The following QKI variants were observed in gnomAD, a reference collection of about 807,000 sequenced individuals.
QKI encodes the protein QKI, KH domain containing RNA binding, also known as KH domain-containing RNA-binding protein QKI.
In QKI, 10 loss-of-function variants were observed where a neutral mutation model predicts 39.0. The ratio of observed to expected loss-of-function variants is 0.26; its 90% CI spans 0.16 to 0.43. The LOEUF is 0.43. Ranked by LOEUF, QKI falls within the 20% of genes least tolerant of loss-of-function variation. QKI has a pLI of 1.00. For synonymous variants in QKI, 204 were observed against 155.4 expected, an observed-to-expected ratio of 1.31 and a Z score of -2.33; for missense variants, 218 against 428.0, an observed-to-expected ratio of 0.51 and a Z score of 4.33.
In QKI at chr6:163,415,998, C is replaced by T. The variant is rs1264133651; in HGVS notation, c.142+663C>T. On this transcript the variant is annotated intron_variant, in intron 1 of 7. Transcript: ENST00000361752. ...AAGTGACGGCGAAAAGCACTTTTTT[C>T]CCTTTTGTTTGGGGAAGCGAGAACT... is the stretch of plus-strand genomic sequence containing the variant. 5 of 445,952 alleles carry T rather than the reference C, an allele frequency of 1.1e-5. No individual in the cohort carries two copies. The East Asian group carries it at 2.0e-4, about 18-fold the overall frequency. The allele number at this position is 445,952 out of a possible 1,614,324, so 27.6% of individuals were successfully genotyped here. A position where few individuals can be genotyped will look rare whatever the true frequency, so the allele number is the denominator to read the frequency against.
At chr6:163,485,446 A>G (rs1777595885) in intron 3 of QKI, among the ~76,000 whole-genome samples, 3 of 152,180 alleles carry the variant, frequency 2.0e-5, no homozygotes, top group Non-Finnish European at 4.4e-5. Context: ...GTACTTGGCA[A>G]ATTGTTGTGG....
chr6:163,470,619 G>T (rs1792112086), intron 2 of QKI, among the ~76,000 whole-genome samples: 1 of 152,078 alleles, frequency 6.6e-6, no homozygotes, highest in South Asian at 2.1e-4. Context: ...ACATACTCTA[G>T]ATTTTAGAAT....
chr6:163,541,432 T>G (rs1462127910), intron 4 of QKI, among the ~76,000 whole-genome samples: 1 of 151,898 alleles, frequency 6.6e-6, no homozygotes, highest in African/African-American at 2.4e-5. Flanking sequence ...AGTAGTTGCG[T>G]GTATATTCTG....
intron 3 of QKI, among the ~76,000 whole-genome samples, chr6:163,519,298 T>C (rs16895075): frequency 0.039 from 5,912 of 152,168 alleles, 399 homozygotes; most frequent in African/African-American, 0.14. Flanking sequence ...TATAAACATA[T>C]GTCATTAATA....
chr6:163,570,544 C>A, intron 7 of QKI, 150 bp from the exon 8 acceptor site: 3 of 1,359,622 alleles, frequency 2.2e-6, no homozygotes, highest in Non-Finnish European at 2.8e-6. Flanking sequence ...TGGTGTCAAT[C>A]AGTTTGTCAG....
rs548708657 is a variant in QKI, at chr6:163,464,201, A to AATAC, written c.285+8784_285+8787dup. On this transcript the variant is annotated intron_variant, in intron 2 of 7. Coordinates refer to ENST00000361752, the MANE Select transcript of QKI (RefSeq NM_006775.3). ...TTTAGAAATCTATGATATCTCGCGCAATACATAGCCCATAGAAGAAACTAT... is the reference window on the plus strand; with the variant it reads ...TTTAGAAATCTATGATATCTCGCGCAATACATACATAGCCCATAGAAGAAACTAT... Among the ~76,000 whole-genome samples the AATAC allele has an allele frequency of 1.6e-3, 245 of 152,062 alleles. 1 individual carries two copies. Among genetic ancestry groups the AATAC allele is most frequent in the South Asian group, 1.0e-2 (48 of 4,810 alleles).
chr6:163,526,199 A>AT (rs991337120), intron 3 of QKI, among the ~76,000 whole-genome samples: 1 of 152,204 alleles, frequency 6.6e-6, no homozygotes, highest in Non-Finnish European at 1.5e-5. Flanking sequence ...GGTATATTTG[A>AT]TTGAAAGATG....
At position 163,574,624 on chromosome 6, in the gene QKI, A is replaced by G. The variant is rs923022888; in HGVS notation, c.*3914A>G. The G allele has an allele frequency of 6.6e-6, 1 of 152,218 alleles. No individual in the cohort carries two copies. The highest frequency in any genetic ancestry group is 1.5e-5 in the Non-Finnish European group (1 of 68,042). The allele number at this position is 152,218 out of a possible 1,614,324, so 9.4% of individuals were successfully genotyped here. ...GTGATTAATTTCTTGCATGCAAATC[A>G]ATTTAAGATTTCTTAAATATCTTCA... On this transcript the variant is annotated 3_prime_UTR_variant, in exon 8 of 8. Coordinates refer to ENST00000361752, the MANE Select transcript of QKI (RefSeq NM_006775.3).
At chr6:163,495,818 T>C (rs1319764747) in intron 3 of QKI, among the ~76,000 whole-genome samples, 1 of 152,190 alleles carries the variant, frequency 6.6e-6, no homozygotes, top group Non-Finnish European at 1.5e-5. Context: ...AGTGATGTTG[T>C]GTCCTTCTCA....
At chr6:163,480,330 G>A (rs1215688234) in intron 3 of QKI, among the ~76,000 whole-genome samples, 1 of 151,634 alleles carries the variant, frequency 6.6e-6, no homozygotes, top group Non-Finnish European at 1.5e-5. Flanking sequence ...GGCTATCTAG[G>A]AATAGTGCGT....
intron 3 of QKI, among the ~76,000 whole-genome samples, chr6:163,524,767 T>C (rs1305678920): frequency 6.6e-6 from 1 of 152,078 alleles, no homozygotes; most frequent in Non-Finnish European, 1.5e-5. Flanking sequence ...ACGCCCGGCC[T>C]TCTGTTTATT....
At chr6:163,450,182 C>T (rs1054292087) in intron 1 of QKI, among the ~76,000 whole-genome samples, 3 of 152,150 alleles carry the variant, frequency 2.0e-5, no homozygotes, top group Non-Finnish European at 4.4e-5. Flanking sequence ...CTCAGCCTCC[C>T]GAGTAGCTGG....
At chr6:163,519,932 T>C (rs561249222) in intron 3 of QKI, among the ~76,000 whole-genome samples, 37 of 152,300 alleles carry the variant, frequency 2.4e-4, no homozygotes, top group African/African-American at 7.9e-4. Context: ...GCCAAAGATA[T>C]TCTGAAAGAG....
intron 2 of QKI, among the ~76,000 whole-genome samples, chr6:163,474,598 T>C (rs1792444625): frequency 6.6e-6 from 1 of 151,452 alleles, no homozygotes; most frequent in African/African-American, 2.4e-5. Flanking sequence ...ACAACAAAAG[T>C]AAAAACAAGT....
At chr6:163,475,724 A>G (rs1297801485) in intron 2 of QKI, among the ~76,000 whole-genome samples, 1 of 152,226 alleles carries the variant, frequency 6.6e-6, no homozygotes. Context: ...CACAGACATC[A>G]ATTCCTGGTA....
chr6:163,498,794 A>G (rs1423762070), intron 3 of QKI, among the ~76,000 whole-genome samples: 2 of 152,104 alleles, frequency 1.3e-5, no homozygotes, highest in Non-Finnish European at 2.9e-5. Context: ...AAGCGTGCTC[A>G]TTTTATTTTT....
At chr6:163,564,945 T>G in intron 6 of QKI, 4 of 1,333,524 alleles carry the variant, frequency 3.0e-6, no homozygotes, top group Non-Finnish European at 3.8e-6. Flanking sequence ...AAATCTTTAA[T>G]GAACTGGAGA....
intron 1 of QKI, among the ~76,000 whole-genome samples, chr6:163,442,111 A>G (rs1039853703): frequency 6.6e-6 from 1 of 152,204 alleles, no homozygotes; most frequent in Non-Finnish European, 1.5e-5. Flanking sequence ...GTGCTATGTG[A>G]TATTGCAACA....
chr6:163,566,670 C>T (rs557248843), intron 6 of QKI, 51 bp from the exon 7 acceptor site: 4 of 1,598,134 alleles, frequency 2.5e-6, no homozygotes, highest in Non-Finnish European at 2.6e-6. Context: ...ATGTTTTTTC[C>T]CCCCTTGTGA....
Sources: allele counts gnomAD v4.1 joint callset (sites outside exome capture counted in the v4.1 genomes callset), GRCh38; gene constraint gnomAD v4.1.1; transcripts MANE v1.5; gene names NCBI Gene and HGNC (gene_info 2026-07-23, HGNC 2026-07-21).